SKIL: variants seen among roughly 807,000 people sequenced by gnomAD.
SKIL encodes the protein SKI like proto-oncogene.
SKIL carries 20 observed loss-of-function variants against 69.6 expected under a neutral mutation model. That is an observed-to-expected ratio of 0.29 (90% CI 0.20 to 0.42). The LOEUF is 0.42. SKIL is among the 10% of genes least tolerant of loss of function. SKIL has a pLI of 1.00. For missense variants in SKIL, 745 were observed against 783.1 expected (o/e 0.95, Z 0.58); for synonymous variants, 310 against 279.9 (o/e 1.11, Z -1.08).
chr3:170,377,120 T>A (rs10936625), intron 2 of SKIL, among the ~76,000 whole-genome samples: 5 of 152,034 alleles, frequency 3.3e-5, no homozygotes, highest in African/African-American at 7.3e-5. Flanking sequence ...TTCTTACTGC[T>A]ATAACTAAGC....
rs1178200325 is a variant in SKIL, at chr3:170,384,942, T to G, written c.1429+177T>G. ...ATTTTAATCTCAGTTGCTATACTTT[T>G]CTAGCGTGGTGATAGCTCAGGAGAC... On this transcript the variant is annotated intron_variant, in intron 4 of 6. Transcript: ENST00000259119. 6.1e-6 allele frequency: 3 copies of G among 494,348 alleles called. No individual in the cohort carries two copies. In the East Asian group the frequency reaches 1.0e-4, roughly 16 times the overall value. The allele number at this position is 494,348 out of a possible 1,614,324, so 30.6% of individuals were successfully genotyped here.
intron 4 of SKIL, among the ~76,000 whole-genome samples, chr3:170,387,016 C>G (rs998248262): frequency 6.6e-6 from 1 of 151,866 alleles, no homozygotes; most frequent in Non-Finnish European, 1.5e-5. Context: ...ATAATGTTTT[C>G]TTTTCTTTCT....
In SKIL at chr3:170,360,216, G is replaced by A; in HGVS notation, c.-116G>A. On this transcript the variant is annotated 5_prime_UTR_variant, in exon 2 of 7. Coordinates refer to ENST00000259119, the MANE Select transcript of SKIL (RefSeq NM_005414.5). ...AATTTAAGGGGCTCTCGCTTTGAAAGTTTGAGAGTAAGTTACGATAGGCAT... is the reference window on the plus strand; with the variant it reads ...AATTTAAGGGGCTCTCGCTTTGAAAATTTGAGAGTAAGTTACGATAGGCAT... 1 of 1,053,356 alleles carries A rather than the reference G, an allele frequency of 9.5e-7. No homozygotes were observed. Among genetic ancestry groups the A allele is most frequent in the South Asian group, 1.9e-5 (1 of 52,320 alleles). The allele number at this position is 1,053,356 out of a possible 1,614,324, so 65.3% of individuals were successfully genotyped here.
chr3:170,357,775 G>T lies in SKIL; in HGVS notation c.-634+12G>T. 1 of 163,442 alleles carries T rather than the reference G, an allele frequency of 6.1e-6. No individual in the cohort carries two copies. The highest frequency in any genetic ancestry group is 1.3e-5 in the Non-Finnish European group (1 of 77,054). 10.1% of individuals were successfully genotyped at this position (163,442 alleles called of 1,614,324 possible). The stretch of plus-strand genomic sequence containing the variant: ...GGCGGCGGGCACAGGTGCGGCTCCG[G>T]CTTACGGCGGCGACGCGGCGGAGGC... On this transcript the variant is annotated intron_variant, in intron 1 of 6. Transcript: ENST00000259119.
Position 170,360,591 on chromosome 3 carries a change from A to T in SKIL, c.260A>T (p.Lys87Ile). Residue 87 changes from lysine (K) to isoleucine (I), a missense_variant, in exon 2 of 7, where the codon AAA (lysine) becomes ATA (isoleucine). Transcript: ENST00000259119. ...ACTTTGCATTTAAATCCCAGTTTGAAACACACATTGGCACAATTCCATTTA... is the reference window on the plus strand; with the variant it reads ...ACTTTGCATTTAAATCCCAGTTTGATACACACATTGGCACAATTCCATTTA... ...PETLHLNPSL[K>I]HTLAQFHLSS... 1 of 1,614,208 alleles carries T rather than the reference A, an allele frequency of 6.2e-7. No homozygotes were observed. The highest frequency in any genetic ancestry group is 1.3e-5 in the African/African-American group (1 of 75,048).
chr3:170,391,949 G>T (rs1324247422), intron 6 of SKIL, among the ~76,000 whole-genome samples: 1 of 152,132 alleles, frequency 6.6e-6, no homozygotes, highest in African/African-American at 2.4e-5. Context: ...TTTGTTAATA[G>T]AATCTCACAA....
chr3:170,369,026 G>C (rs943126564), intron 2 of SKIL, among the ~76,000 whole-genome samples: 5 of 148,512 alleles, frequency 3.4e-5, no homozygotes, highest in African/African-American at 2.5e-5. Flanking sequence ...GAGTAATCAA[G>C]TTTTTGGAGC....
At chr3:170,362,455 T>C (rs952976378) in intron 2 of SKIL, among the ~76,000 whole-genome samples, 1 of 151,956 alleles carries the variant, frequency 6.6e-6, no homozygotes, top group Non-Finnish European at 1.5e-5. Flanking sequence ...TGAGCCGAGA[T>C]TGTGCCATTG....
chr3:170,382,252 C>T (rs1264036361), intron 3 of SKIL, among the ~76,000 whole-genome samples: 2 of 151,850 alleles, frequency 1.3e-5, no homozygotes, highest in Non-Finnish European at 2.9e-5. Flanking sequence ...TTGTAAATTG[C>T]ACTGAATATT....
intron 2 of SKIL, among the ~76,000 whole-genome samples, chr3:170,362,778 A>G (rs148296718): frequency 0.01 from 1,571 of 150,912 alleles, 38 homozygotes; most frequent in Admixed American, 0.053. Flanking sequence ...TCACGCCACC[A>G]CAGTCCATCC....
chr3:170,366,989 G>A (rs1285992235), intron 2 of SKIL, among the ~76,000 whole-genome samples: 1 of 152,148 alleles, frequency 6.6e-6, no homozygotes, highest in Admixed American at 6.5e-5. Context: ...ATGAAAAAAA[G>A]ATCAACAGGC....
intron 2 of SKIL, among the ~76,000 whole-genome samples, chr3:170,378,538 ACT>A (rs776393814): frequency 7.0e-5 from 8 of 115,028 alleles, no homozygotes; most frequent in African/African-American, 2.4e-4. Context: ...TGGGAATTGG[ACT>A]CTCTCTCTCT....
chr3:170,395,535 A>G lies in SKIL; in HGVS notation c.*3118A>G, dbSNP rs551908647. On this transcript the variant is annotated 3_prime_UTR_variant, in exon 7 of 7. Coordinates refer to ENST00000259119, the MANE Select transcript of SKIL (RefSeq NM_005414.5). ...ATCTTTTAGAAGTCCTGACAGAACA[A>G]CCAGTTTATTTGCACATAGGTAGCT... 1.3e-5 allele frequency: 2 copies of G among 152,258 alleles called. No individual in the cohort carries two copies. The highest frequency in any genetic ancestry group is 2.1e-4 in the South Asian group (1 of 4,832). The allele number at this position is 152,258 out of a possible 1,614,324, so 9.4% of individuals were successfully genotyped here. A position where few individuals can be genotyped will look rare whatever the true frequency, so the allele number is the denominator to read the frequency against.
At chr3:170,391,341 C>A in intron 6 of SKIL, 81 bp downstream of exon 6, 5 of 773,256 alleles carry the variant, frequency 6.5e-6, no homozygotes, top group Non-Finnish European at 8.3e-6. Context: ...TTTTTTGAGA[C>A]AGAGACTGCT....
At chr3:170,369,956 C>T (rs1362822210) in intron 2 of SKIL, among the ~76,000 whole-genome samples, 2 of 151,964 alleles carry the variant, frequency 1.3e-5, no homozygotes, top group African/African-American at 4.8e-5. Flanking sequence ...GATTTGCTTC[C>T]GGCTGCGCGC....
chr3:170,360,852 T>C lies in SKIL; in HGVS notation c.521T>C (p.Val174Ala). ...RLCLPQVLNS[V>A]LREFTLQQIN... The stretch of plus-strand genomic sequence containing the variant: ...TGTTTGCCCCAAGTCTTAAATTCTG[T>C]TCTCCGAGAATTTACACTCCAGCAA... The change falls in exon 2 of 7, where the codon GTT becomes GCT. Residue 174 changes from valine (V) to alanine (A), a missense_variant. Physicochemically the swap from Val to Ala is moderately conservative, Grantham distance 64. Transcript: ENST00000259119. 6.2e-7 allele frequency: 1 copy of C among 1,614,172 alleles called. No individual in the cohort carries two copies. Among genetic ancestry groups the C allele is most frequent in the Non-Finnish European group, 8.5e-7 (1 of 1,180,006 alleles).
intron 2 of SKIL, among the ~76,000 whole-genome samples, chr3:170,367,763 C>T (rs1736614914): frequency 1.3e-5 from 2 of 152,162 alleles, no homozygotes; most frequent in Admixed American, 1.3e-4. Context: ...GCCACCGTGC[C>T]TGGCTAAAAT....
chr3:170,373,933 G>A (rs889173402), intron 2 of SKIL, among the ~76,000 whole-genome samples: 23 of 152,050 alleles, frequency 1.5e-4, no homozygotes, highest in African/African-American at 5.6e-4. Flanking sequence ...GTACAAATTC[G>A]AATACTTGTA....
In SKIL at chr3:170,361,092, A is replaced by T. The variant is rs1194688041; in HGVS notation, c.761A>T (p.Gln254Leu). 3 of 1,614,132 alleles carry T rather than the reference A, an allele frequency of 1.9e-6. No individual in the cohort carries two copies. Among genetic ancestry groups the T allele is most frequent in the Non-Finnish European group, 2.5e-6 (3 of 1,180,042 alleles). ...SVLPAKSSLA[Q>L]LKETGSAFEV... ...CTTCCTGCTAAAAGCTCATTGGCCCAGTTAAAGGAAACTGGCAGTGCCTTT... is the reference window on the plus strand; with the variant it reads ...CTTCCTGCTAAAAGCTCATTGGCCCTGTTAAAGGAAACTGGCAGTGCCTTT... The change falls in exon 2 of 7, where the codon CAG (glutamine) becomes CTG (leucine). Residue 254 changes from glutamine to leucine, a missense_variant. Coordinates refer to ENST00000259119, the MANE Select transcript of SKIL (RefSeq NM_005414.5).
Sources: allele counts gnomAD v4.1 joint callset (sites outside exome capture counted in the v4.1 genomes callset), GRCh38; gene constraint gnomAD v4.1.1; transcripts MANE v1.5; gene names NCBI Gene and HGNC (gene_info 2026-07-23, HGNC 2026-07-21).